The following GRIN2A variants were observed in gnomAD, a reference collection of about 807,000 sequenced individuals.
GRIN2A encodes glutamate ionotropic receptor NMDA type subunit 2A, also known as glutamate receptor ionotropic, NMDA 2A.
GRIN2A carries 22 observed loss-of-function variants against 113.4 expected under a neutral mutation model. The observed-to-expected ratio is 0.19, with a 90% CI of 0.14 to 0.28. The LOEUF is 0.28. Among genes scored for constraint, GRIN2A ranks in the 10% least tolerant of loss-of-function variants. GRIN2A has a pLI of 1.00. For missense variants in GRIN2A, 1,502 were observed against 1,887.0 expected, an observed-to-expected ratio of 0.80 and a Z score of 3.78; for synonymous variants, 827 against 738.4, an observed-to-expected ratio of 1.12 and a Z score of -1.94.
intron 11 of GRIN2A, among the ~76,000 whole-genome samples, chr16:9,784,080 T>C (rs947489093): frequency 6.6e-6 from 1 of 152,118 alleles, no homozygotes; most frequent in Non-Finnish European, 1.5e-5. Flanking sequence ...GACACAAGTT[T>C]ACCTATATAG....
intron 4 of GRIN2A, among the ~76,000 whole-genome samples, chr16:9,860,872 G>T (rs2043055723): frequency 6.6e-6 from 1 of 152,152 alleles, no homozygotes; most frequent in Non-Finnish European, 1.5e-5. Flanking sequence ...GTTCGATATA[G>T]TATAGTGCTC....
intron 2 of GRIN2A, among the ~76,000 whole-genome samples, chr16:10,107,750 T>C (rs547174270): frequency 6.6e-6 from 1 of 152,356 alleles, no homozygotes; most frequent in Admixed American, 6.5e-5. Flanking sequence ...GAAGCCATCG[T>C]TGCCCTGCTG....
intron 2 of GRIN2A, chr16:10,112,544 C>T (rs2048638447): frequency 2.5e-6 from 2 of 786,926 alleles, no homozygotes; most frequent in Non-Finnish European, 4.6e-6. Flanking sequence ...GGGCTCCCTG[C>T]TGGCCACCAC....
At chr16:10,027,914 G>A (rs900403301) in intron 2 of GRIN2A, among the ~76,000 whole-genome samples, 1 of 152,028 alleles carries the variant, frequency 6.6e-6, no homozygotes, top group Non-Finnish European at 1.5e-5. Flanking sequence ...TTCCACCCTC[G>A]AGCTGTCCCC....
At chr16:10,081,263 G>T (rs1195354973) in intron 2 of GRIN2A, among the ~76,000 whole-genome samples, 1 of 152,182 alleles carries the variant, frequency 6.6e-6, no homozygotes, top group Admixed American at 6.5e-5. Flanking sequence ...CTGGATTAAG[G>T]TGCCTGGTTA....
chr16:9,939,373 T>C (rs1342472610), intron 2 of GRIN2A, among the ~76,000 whole-genome samples: 1 of 152,106 alleles, frequency 6.6e-6, no homozygotes, highest in Non-Finnish European at 1.5e-5. Flanking sequence ...GATACGATGT[T>C]GAAGAGCTTG....
chr16:10,024,021 C>T (rs1294828271), intron 2 of GRIN2A, among the ~76,000 whole-genome samples: 1 of 152,140 alleles, frequency 6.6e-6, no homozygotes, highest in African/African-American at 2.4e-5. Flanking sequence ...ATGACTCATC[C>T]GAGGTCATAT....
chr16:9,807,379 GGGGA>G (rs2042001155), intron 10 of GRIN2A, among the ~76,000 whole-genome samples: 1 of 77,026 alleles, frequency 1.3e-5, no homozygotes, highest in East Asian at 5.2e-4. Flanking sequence ...GGAGGGAGAG[GGGGA>G]GGGAGAGAGG....
chr16:10,037,117 T>C (rs1395857313), intron 2 of GRIN2A: 1 of 152,190 alleles, frequency 6.6e-6, no homozygotes, highest in African/African-American at 2.4e-5. Flanking sequence ...CACTGGAATT[T>C]GGGCTACCAG....
intron 2 of GRIN2A, among the ~76,000 whole-genome samples, chr16:10,141,342 G>A (rs2049323232): frequency 1.3e-5 from 2 of 150,710 alleles, no homozygotes; most frequent in African/African-American, 4.9e-5. Context: ...TACAAAAATA[G>A]CCAGGCATGG....
chr16:10,044,034 G>C lies in GRIN2A; in HGVS notation c.415-105483C>G, dbSNP rs1207091784. Among the ~76,000 whole-genome samples, 6 of 139,994 alleles carry C rather than the reference G, an allele frequency of 4.3e-5. No homozygotes were observed. In the East Asian group the frequency reaches 6.4e-4, roughly 15 times the overall value. The allele number at this position is 139,994 out of a possible 152,430, so 91.8% of individuals were successfully genotyped here. The stretch of plus-strand genomic sequence containing the variant: ...ATATATATATATATAGAGAGAGAGA[G>C]AGAGAGAGAGAGACAGAGACAGAGA... On this transcript the variant is annotated intron_variant, in intron 2 of 12. Transcript: ENST00000330684.
intron 2 of GRIN2A, among the ~76,000 whole-genome samples, chr16:9,958,017 A>G (rs1006393970): frequency 1.3e-5 from 2 of 152,158 alleles, no homozygotes; most frequent in Admixed American, 6.5e-5. Flanking sequence ...CAGGAAAGAG[A>G]GATAGTGATA....
rs544326150 is a variant in GRIN2A at position 9,754,786 on chromosome 16, G to GA, written c.*8362dup. 146 of 217,046 alleles carry GA rather than the reference G, an allele frequency of 6.7e-4. No homozygotes were observed. The highest frequency in any genetic ancestry group is 2.8e-3 in the Middle Eastern group (2 of 710). 13.4% of individuals were successfully genotyped at this position (217,046 alleles called of 1,614,324 possible). On this transcript the variant is annotated 3_prime_UTR_variant, in exon 13 of 13. Coordinates refer to ENST00000330684, the MANE Select transcript of GRIN2A (RefSeq NM_001134407.3). ...CAAAAGGCTATGATTGTTTTTCATG[G>GA]AAAAAAAAAGACAATGTTTTCGTAT...
intron 12 of GRIN2A, among the ~76,000 whole-genome samples, chr16:9,766,471 G>T (rs142493258): frequency 1.3e-5 from 2 of 152,290 alleles, no homozygotes; most frequent in African/African-American, 4.8e-5. Flanking sequence ...CTCCACCCCA[G>T]GCTTCATGGT....
At chr16:10,049,655 A>T (rs181516072) in intron 2 of GRIN2A, among the ~76,000 whole-genome samples, 3 of 152,348 alleles carry the variant, frequency 2.0e-5, no homozygotes. Context: ...CTGGGATTAC[A>T]GGCATGAGTC....
intron 2 of GRIN2A, among the ~76,000 whole-genome samples, chr16:10,076,046 G>A (rs116824048): frequency 1.5e-3 from 232 of 152,106 alleles, no homozygotes; most frequent in African/African-American, 5.1e-3. Flanking sequence ...TGAAAAATGC[G>A]CCCATTGTGC....
intron 2 of GRIN2A, among the ~76,000 whole-genome samples, chr16:10,141,130 G>A (rs1243297583): frequency 2.6e-5 from 4 of 152,048 alleles, no homozygotes; most frequent in Non-Finnish European, 4.4e-5. Flanking sequence ...GGAGGGTGAG[G>A]CTGGAGTGAG....
In GRIN2A at chr16:10,093,133, C is replaced by T. The variant is rs145831410; in HGVS notation, c.414+86865G>A. Among the ~76,000 whole-genome samples the T allele has an allele frequency of 8.5e-5, 13 of 152,292 alleles. No homozygotes were observed. In the South Asian group the frequency reaches 1.5e-3, roughly 17 times the overall value. On this transcript the variant is annotated intron_variant, in intron 2 of 12. Transcript: ENST00000330684. ...TGATTACAGGCATGAGCCCCACGCC[C>T]GGCCAACCTTTCTGAAACCCAGAAG...
At chr16:9,958,714 T>C (rs189820615) in intron 2 of GRIN2A, among the ~76,000 whole-genome samples, 11 of 152,150 alleles carry the variant, frequency 7.2e-5, no homozygotes, top group Admixed American at 5.9e-4. Context: ...GCATACCAGA[T>C]TGCAAGCAGA....
Sources: gnomAD v4.1 joint callset for allele counts (sites outside exome capture counted in the v4.1 genomes callset) on GRCh38, gnomAD v4.1.1 for gene constraint, MANE v1.5 for transcripts, NCBI Gene and HGNC (gene_info 2026-07-23, HGNC 2026-07-21) for gene names.